MYEF2: variants seen among roughly 807,000 people sequenced by gnomAD.
MYEF2 encodes myelin gene expression factor 2.
In MYEF2, 37 loss-of-function variants were observed where a neutral mutation model predicts 75.2. The ratio of observed to expected loss-of-function variants is 0.49; its 90% CI spans 0.38 to 0.65. The LOEUF is 0.65. Among genes scored for constraint, MYEF2 ranks in the 30% least tolerant of loss-of-function variants. The pLI is 0.00. For synonymous variants in MYEF2, 195 were observed against 241.6 expected, an observed-to-expected ratio of 0.81 and a Z score of 1.79; for missense variants, 634 against 771.4, an observed-to-expected ratio of 0.82 and a Z score of 2.11.
chr15:48,166,865 G>A (rs759903269), intron 3 of MYEF2, among the ~76,000 whole-genome samples: 4 of 151,828 alleles, frequency 2.6e-5, no homozygotes, highest in Admixed American at 1.3e-4. Context: ...TTCCTTCTAC[G>A]TCAATATAAT....
intron 5 of MYEF2, among the ~76,000 whole-genome samples, chr15:48,163,156 TC>T (rs2040009134): frequency 6.6e-6 from 1 of 152,118 alleles, no homozygotes; most frequent in African/African-American, 2.4e-5. Flanking sequence ...TAATGCTGTT[TC>T]AAAAACAGGT....
At chr15:48,169,538 T>C (rs948279711) in intron 1 of MYEF2, among the ~76,000 whole-genome samples, 3 of 151,958 alleles carry the variant, frequency 2.0e-5, no homozygotes, top group African/African-American at 4.8e-5. Flanking sequence ...TTACCTACAA[T>C]GGGTAATGTA....
intron 14 of MYEF2, among the ~76,000 whole-genome samples, chr15:48,150,535 TAA>T: frequency 6.6e-6 from 1 of 151,972 alleles, no homozygotes; most frequent in South Asian, 2.1e-4. Context: ...ATATAAGGCC[TAA>T]AAGGTAGGAG....
intron 1 of MYEF2, among the ~76,000 whole-genome samples, chr15:48,176,778 T>C (rs540284387): frequency 1.3e-5 from 2 of 152,358 alleles, no homozygotes; most frequent in African/African-American, 4.8e-5. Flanking sequence ...TTGGCAAGCA[T>C]GGTAGAAAGC....
At chr15:48,175,235 T>C (rs2040475696) in intron 1 of MYEF2, among the ~76,000 whole-genome samples, 1 of 152,094 alleles carries the variant, frequency 6.6e-6, no homozygotes, top group African/African-American at 2.4e-5. Flanking sequence ...AAATGCTACA[T>C]GATCTCACTT....
intron 1 of MYEF2, among the ~76,000 whole-genome samples, chr15:48,172,384 G>A: frequency 7.2e-6 from 1 of 138,168 alleles, no homozygotes; most frequent in East Asian, 2.1e-4. Context: ...TTTTGATACA[G>A]AGCAAGACTC....
In MYEF2 at chr15:48,141,971, T is replaced by C; in HGVS notation, c.*937A>G. On this transcript the variant is annotated 3_prime_UTR_variant, in exon 17 of 17. Transcript: ENST00000324324. ...TCCAGTGTTTCTTTTCTTATGAAGATTATTAATAAAACACAGTATTGGTAA... is the reference window on the plus strand; with the variant it reads ...TCCAGTGTTTCTTTTCTTATGAAGACTATTAATAAAACACAGTATTGGTAA... 2 of 1,241,096 alleles carry C rather than the reference T, an allele frequency of 1.6e-6. No individual in the cohort carries two copies. The highest frequency in any genetic ancestry group is 2.4e-5 in the Admixed American group (1 of 41,112). 76.9% of individuals were successfully genotyped at this position (1,241,096 alleles called of 1,614,324 possible).
At chr15:48,152,031 T>C in intron 11 of MYEF2, 89 bp from the exon 12 acceptor site, 1 of 1,341,454 alleles carries the variant, frequency 7.5e-7, no homozygotes, top group Non-Finnish European at 1.1e-6. Flanking sequence ...ACCAGTAAGC[T>C]CTTCATCCAC....
chr15:48,146,521 T>A (rs1396654029), intron 16 of MYEF2, among the ~76,000 whole-genome samples: 1 of 151,940 alleles, frequency 6.6e-6, no homozygotes, highest in Non-Finnish European at 1.5e-5. Flanking sequence ...ATATAACCCA[T>A]AATATAACAT....
rs1213440267 is a variant in MYEF2, at chr15:48,139,205, T to G, written c.*3703A>C. ...GTATTTTAAGTACAATAGCACAACT[T>G]GAAAATATTCATATAAGAACAAATT... On this transcript the variant is annotated 3_prime_UTR_variant, in exon 17 of 17. Coordinates refer to ENST00000324324, the MANE Select transcript of MYEF2 (RefSeq NM_016132.5). 1.3e-6 allele frequency: 2 copies of G among 1,552,356 alleles called. No homozygotes were observed. Among genetic ancestry groups the G allele is most frequent in the Non-Finnish European group, 1.8e-6 (2 of 1,129,894 alleles).
In MYEF2 at chr15:48,142,393, G is replaced by C; in HGVS notation, c.*515C>G. The C allele has an allele frequency of 7.8e-7, 1 of 1,287,514 alleles. No individual in the cohort carries two copies. Among genetic ancestry groups the C allele is most frequent in the African/African-American group, 1.5e-5 (1 of 67,278 alleles). The allele number at this position is 1,287,514 out of a possible 1,614,324, so 79.8% of individuals were successfully genotyped here. On this transcript the variant is annotated 3_prime_UTR_variant, in exon 17 of 17. Transcript: ENST00000324324. Reference sequence around the variant, plus strand: ...ATGCAGAAAATATGAATGGCAGGGAGGGGCAGAGAGAAAAATCCATTTCTT... The same window carrying C: ...ATGCAGAAAATATGAATGGCAGGGACGGGCAGAGAGAAAAATCCATTTCTT...
chr15:48,164,850 T>A (rs1368029127), intron 5 of MYEF2, among the ~76,000 whole-genome samples: 6 of 152,206 alleles, frequency 3.9e-5, no homozygotes, highest in Admixed American at 3.9e-4. Context: ...CTTTTAGACA[T>A]AATGCTATTG....
chr15:48,160,756 T>A (rs1483497184), intron 5 of MYEF2, among the ~76,000 whole-genome samples: 2 of 151,796 alleles, frequency 1.3e-5, no homozygotes, highest in African/African-American at 4.8e-5. Context: ...AAAAAGAAAG[T>A]CAAGTGATTT....
chr15:48,152,582 C>T, intron 10 of MYEF2: 1 of 307,748 alleles, frequency 3.2e-6, no homozygotes, highest in Non-Finnish European at 5.9e-6. Context: ...TTTTTTTCCA[C>T]AATAAACACA....
chr15:48,176,514 C>T (rs1214003570), intron 1 of MYEF2, among the ~76,000 whole-genome samples: 1 of 152,058 alleles, frequency 6.6e-6, no homozygotes, highest in Non-Finnish European at 1.5e-5. Context: ...TCCTGTCTTG[C>T]TAAATCATGA....
chr15:48,136,581 G>A lies in MYEF2; in HGVS notation c.*6327C>T. The A allele has an allele frequency of 9.2e-7, 1 of 1,081,906 alleles. No individual in the cohort carries two copies. The highest frequency in any genetic ancestry group is 1.3e-6 in the Non-Finnish European group (1 of 757,328). 67.0% of individuals were successfully genotyped at this position (1,081,906 alleles called of 1,614,324 possible). ...TCTAGAAATGTTTGATTGTTCTATG[G>A]CTACTTTTGTTAGAAAATCATTCAA... is the stretch of plus-strand genomic sequence containing the variant. On this transcript the variant is annotated 3_prime_UTR_variant, in exon 17 of 17. Transcript: ENST00000324324.
chr15:48,152,050 G>T (rs2140845222), intron 11 of MYEF2, 108 bp from the exon 12 acceptor site: 1 of 1,223,954 alleles, frequency 8.2e-7, no homozygotes, highest in East Asian at 2.3e-5. Context: ...ACCCTACCTT[G>T]TGCAGCTACT....
In MYEF2 at chr15:48,135,117, G is replaced by C. The variant is rs1408024899; in HGVS notation, c.*7791C>G. ...CTATACCATATTCCAACAGGTCTGT[G>C]AGTTAACCTCATCACAATTGCTGAT... On this transcript the variant is annotated 3_prime_UTR_variant, in exon 17 of 17. Coordinates refer to ENST00000324324, the MANE Select transcript of MYEF2 (RefSeq NM_016132.5). The C allele has an allele frequency of 6.5e-6, 4 of 618,322 alleles. No homozygotes were observed. The highest frequency in any genetic ancestry group is 1.1e-5 in the Non-Finnish European group (4 of 354,052). The allele number at this position is 618,322 out of a possible 1,614,324, so 38.3% of individuals were successfully genotyped here.
chr15:48,165,763 C>CA (rs1369842874), intron 5 of MYEF2, among the ~76,000 whole-genome samples, 170 bp downstream of exon 5: 1 of 151,690 alleles, frequency 6.6e-6, no homozygotes, highest in African/African-American at 2.4e-5. Flanking sequence ...TGCTTAACAG[C>CA]AAATATAAAA....
Sources: gnomAD v4.1 joint callset for allele counts (sites outside exome capture counted in the v4.1 genomes callset) on GRCh38, gnomAD v4.1.1 for gene constraint, MANE v1.5 for transcripts, NCBI Gene and HGNC (gene_info 2026-07-23, HGNC 2026-07-21) for gene names.